TMEM117: variants seen among roughly 807,000 people sequenced by gnomAD.
TMEM117 encodes transmembrane protein 117.
In TMEM117, 27 loss-of-function variants were observed where a neutral mutation model predicts 52.4. The ratio of observed to expected loss-of-function variants is 0.51; its 90% confidence interval spans 0.38 to 0.71. The LOEUF is 0.71. Among genes scored for constraint, TMEM117 ranks in the 30% least tolerant of loss-of-function variants. The pLI is 0.00. For missense variants in TMEM117, 556 were observed against 630.5 expected (o/e 0.88, Z 1.26); for synonymous variants, 215 against 206.3 (o/e 1.04, Z -0.36).
chr12:44,341,392 T>C (rs1029246414), intron 6 of TMEM117, among the ~76,000 whole-genome samples: 1 of 152,098 alleles, frequency 6.6e-6, no homozygotes, highest in African/African-American at 2.4e-5. Flanking sequence ...CTAACTTAGT[T>C]CACTTAAGAT....
Position 44,370,595 on chromosome 12 carries a change from G to T in TMEM117, c.769-6000G>T, listed in dbSNP as rs532568313. Among the ~76,000 whole-genome samples, 14 of 148,162 alleles carry T rather than the reference G, an allele frequency of 9.4e-5. No homozygotes were observed. In the South Asian group the frequency reaches 1.7e-3, roughly 18 times the overall value. ...TGCAGTAGTGCAATCTCGGCTGACTGCAACCTCCGCCTCCTGGGTTCAAGT... is the reference window on the plus strand; with the variant it reads ...TGCAGTAGTGCAATCTCGGCTGACTTCAACCTCCGCCTCCTGGGTTCAAGT... On this transcript the variant is annotated intron_variant, in intron 6 of 7. Coordinates refer to ENST00000266534, the MANE Select transcript of TMEM117 (RefSeq NM_032256.3).
At chr12:44,125,166 G>A (rs1412126721) in intron 3 of TMEM117, among the ~76,000 whole-genome samples, 8 of 151,944 alleles carry the variant, frequency 5.3e-5, no homozygotes, top group African/African-American at 1.9e-4. Flanking sequence ...GTGCAGTGGC[G>A]TGATCTTGGC....
At chr12:44,256,692 T>TA (rs1950264100) in intron 5 of TMEM117, among the ~76,000 whole-genome samples, 1 of 152,102 alleles carries the variant, frequency 6.6e-6, no homozygotes, top group Non-Finnish European at 1.5e-5. Flanking sequence ...TTAAAATGTA[T>TA]AAAATAACAT....
chr12:43,829,949 G>T, the TMEM117 span, among the ~76,000 whole-genome samples: 1 of 151,908 alleles, frequency 6.6e-6, no homozygotes, highest in African/African-American at 2.4e-5. Context: ...TTAGCTGGGC[G>T]TGGTGGTGCG....
At chr12:43,857,944 G>T (rs1343622143) in intron 2 of TMEM117, among the ~76,000 whole-genome samples, 1 of 152,168 alleles carries the variant, frequency 6.6e-6, no homozygotes, top group African/African-American at 2.4e-5. Context: ...TAACTATGTT[G>T]CCCTGCACGG....
chr12:44,236,711 G>C (rs1950001319), intron 5 of TMEM117, among the ~76,000 whole-genome samples: 1 of 152,044 alleles, frequency 6.6e-6, no homozygotes, highest in African/African-American at 2.4e-5. Context: ...CTTTATAGCG[G>C]TAATTTCAGG....
chr12:44,014,205 C>A (rs985883957), intron 3 of TMEM117, among the ~76,000 whole-genome samples: 1 of 152,148 alleles, frequency 6.6e-6, no homozygotes, highest in African/African-American at 2.4e-5. Context: ...CGGGCCATGG[C>A]AACCTTGCAG....
chr12:44,120,038 G>T (rs1948208017), intron 3 of TMEM117, among the ~76,000 whole-genome samples: 1 of 152,132 alleles, frequency 6.6e-6, no homozygotes, highest in Non-Finnish European at 1.5e-5. Flanking sequence ...TTTAGGCCTT[G>T]AAGAGAGAGA....
chr12:44,305,325 G>A (rs769445085), intron 6 of TMEM117, among the ~76,000 whole-genome samples: 5 of 152,132 alleles, frequency 3.3e-5, no homozygotes, highest in Non-Finnish European at 5.9e-5. Context: ...TTAAACAAAA[G>A]AGCTTTTGTA....
intron 3 of TMEM117, among the ~76,000 whole-genome samples, chr12:43,995,178 G>A (rs911798696): frequency 2.0e-5 from 3 of 152,016 alleles, no homozygotes; most frequent in African/African-American, 4.8e-5. Context: ...GGCTGAGGGA[G>A]GGGAATTGCT....
chr12:44,161,680 G>A lies in TMEM117; in HGVS notation c.510+18056G>A, dbSNP rs117067935. 7.6e-3 allele frequency among the ~76,000 whole-genome samples: 1,160 copies of A among 152,236 alleles called. 5 individuals are homozygous for A. The highest frequency in any genetic ancestry group is 0.013 in the Non-Finnish European group (867 of 68,012). ...AGGCAGAGCACTTAGAATATGCCTG[G>A]CATTTAGGAAGGACTTATCACATGT... is the stretch of plus-strand genomic sequence containing the variant. On this transcript the variant is annotated intron_variant, in intron 4 of 7. Transcript: ENST00000266534.
At chr12:44,372,818 G>T (rs992496616) in intron 6 of TMEM117, among the ~76,000 whole-genome samples, 1 of 152,144 alleles carries the variant, frequency 6.6e-6, no homozygotes, top group Admixed American at 6.5e-5. Flanking sequence ...TAAAACCTCA[G>T]CTCTGCTGCA....
At chr12:44,078,875 C>T (rs547170197) in intron 3 of TMEM117, among the ~76,000 whole-genome samples, 118 of 145,624 alleles carry the variant, frequency 8.1e-4, no homozygotes, top group South Asian at 3.5e-3. Flanking sequence ...CCCCCACCCC[C>T]CAACAGGCCC....
chr12:44,027,638 T>C lies in TMEM117; in HGVS notation c.410+83296T>C, dbSNP rs576859284. 1.5e-3 allele frequency among the ~76,000 whole-genome samples: 223 copies of C among 152,314 alleles called. 3 individuals are homozygous for C. The highest frequency in any genetic ancestry group is 5.0e-3 in the African/African-American group (207 of 41,574). The stretch of plus-strand genomic sequence containing the variant: ...GAGAGGTGTTTCCTTCTTACTGCAT[T>C]ACATGAAGAGGCACATGATGTCAGA... On this transcript the variant is annotated intron_variant, in intron 3 of 7. Coordinates refer to ENST00000266534, the MANE Select transcript of TMEM117 (RefSeq NM_032256.3).
chr12:44,180,563 C>A (rs2138311208), intron 4 of TMEM117, among the ~76,000 whole-genome samples: 1 of 137,928 alleles, frequency 7.3e-6, no homozygotes, highest in African/African-American at 2.7e-5. Context: ...TCCATGTGAT[C>A]TCATTGTTCA....
chr12:44,148,983 C>T (rs1025793270), intron 4 of TMEM117, among the ~76,000 whole-genome samples: 2 of 152,152 alleles, frequency 1.3e-5, no homozygotes, highest in African/African-American at 4.8e-5. Flanking sequence ...CCCTACCCCA[C>T]CTCAACCAGG....
At chr12:44,081,540 C>T (rs114285001) in intron 3 of TMEM117, among the ~76,000 whole-genome samples, 2,418 of 152,154 alleles carry the variant, frequency 0.016, 48 homozygotes, top group African/African-American at 0.055. Flanking sequence ...CATTTAAAAA[C>T]CTTATTTGTA....
chr12:43,960,743 C>G (rs1229379475), intron 3 of TMEM117, among the ~76,000 whole-genome samples: 1 of 152,016 alleles, frequency 6.6e-6, no homozygotes, highest in Non-Finnish European at 1.5e-5. Flanking sequence ...AATGTTAGCC[C>G]CATCTTAACT....
downstream of TMEM117, among the ~76,000 whole-genome samples, chr12:44,393,178 G>C (rs1040816110): frequency 1.3e-5 from 2 of 152,022 alleles, no homozygotes; most frequent in African/African-American, 2.4e-5. Context: ...ATATTTCACA[G>C]GTTTATATAT....
Sources: allele counts gnomAD v4.1 joint callset (sites outside exome capture counted in the v4.1 genomes callset), GRCh38; gene constraint gnomAD v4.1.1; transcripts MANE v1.5; gene names NCBI Gene and HGNC (gene_info 2026-07-23, HGNC 2026-07-21).